The following BFSP2 variants were observed in gnomAD, a reference collection of about 807,000 sequenced individuals.
BFSP2 encodes phakinin.
A neutral mutation model predicts 44.9 loss-of-function variants in BFSP2; 38 were observed. The observed-to-expected ratio is 0.85, with a 90% CI of 0.65 to 1.11. The LOEUF (loss-of-function observed/expected upper bound fraction) is 1.11, where lower values mean the gene tolerates loss of function less well. Among genes scored for constraint, BFSP2 ranks in the 50% least tolerant of loss-of-function variants. The probability of loss-of-function intolerance (pLI) is 0.00; values close to 1 mark genes in which losing one functional copy is unlikely to be tolerated. For missense variants in BFSP2, 525 were observed against 533.0 expected, an observed-to-expected ratio of 0.99 and a Z score of 0.15; for synonymous variants, 197 against 209.9, an observed-to-expected ratio of 0.94 and a Z score of 0.53.
At chr3:133,401,433 C>T (rs1390181560) in intron 1 of BFSP2, among the ~76,000 whole-genome samples, 1 of 152,206 alleles carries the variant, frequency 6.6e-6, no homozygotes, top group East Asian at 1.9e-4. Flanking sequence ...TAAACAGCCA[C>T]AGGTAGCTAA....
intron 4 of BFSP2, among the ~76,000 whole-genome samples, chr3:133,451,052 A>C (rs1474292649): frequency 6.9e-6 from 1 of 144,034 alleles, no homozygotes; most frequent in Non-Finnish European, 1.5e-5. Flanking sequence ...CGGAGCTTGT[A>C]GTGAGCCAAG....
intron 6 of BFSP2, among the ~76,000 whole-genome samples, chr3:133,474,456 C>T (rs2074196378): frequency 6.6e-6 from 1 of 152,216 alleles, no homozygotes; most frequent in Non-Finnish European, 1.5e-5. Context: ...CCTAACCACG[C>T]CCTGCTTTCA....
intron 1 of BFSP2, among the ~76,000 whole-genome samples, chr3:133,415,769 T>C (rs1244703537): frequency 1.7e-5 from 2 of 119,216 alleles, no homozygotes; most frequent in Non-Finnish European, 1.7e-5. Context: ...ATCCCTGCCA[T>C]CTCCCCTCCA....
At chr3:133,417,764 C>G (rs552536715) in intron 1 of BFSP2, among the ~76,000 whole-genome samples, 1 of 139,054 alleles carries the variant, frequency 7.2e-6, no homozygotes, top group Non-Finnish European at 1.6e-5. Context: ...TCACCTCTGT[C>G]ACCTCTCCTC....
intron 1 of BFSP2, among the ~76,000 whole-genome samples, chr3:133,414,097 T>C (rs1576560085): frequency 1.9e-5 from 1 of 51,634 alleles, no homozygotes; most frequent in Non-Finnish European, 3.6e-5. Context: ...ACCCCTCTAC[T>C]CCCCCCATCC....
chr3:133,402,880 T>C (rs1309655866), intron 1 of BFSP2, among the ~76,000 whole-genome samples: 1 of 152,036 alleles, frequency 6.6e-6, no homozygotes, highest in African/African-American at 2.4e-5. Flanking sequence ...TGACCTCAGG[T>C]GATCCACCCG....
At chr3:133,447,443 A>G in intron 2 of BFSP2, 44 bp downstream of exon 2, 2 of 1,577,892 alleles carry the variant, frequency 1.3e-6, no homozygotes, top group Non-Finnish European at 1.7e-6. Flanking sequence ...ACATCCCTAG[A>G]CTCCTAGGCA....
At chr3:133,433,375 T>C (rs980854774) in intron 1 of BFSP2, among the ~76,000 whole-genome samples, 2 of 152,236 alleles carry the variant, frequency 1.3e-5, no homozygotes. Context: ...CTTTCCATTG[T>C]GGAAATCTAT....
intron 1 of BFSP2, among the ~76,000 whole-genome samples, chr3:133,405,367 A>AT (rs2073395580): frequency 6.6e-6 from 1 of 152,122 alleles, no homozygotes; most frequent in African/African-American, 2.4e-5. Flanking sequence ...TGATTTGACT[A>AT]TTTTTCCTGC....
intron 6 of BFSP2, among the ~76,000 whole-genome samples, 192 bp downstream of exon 6, chr3:133,472,757 C>G (rs1035906057): frequency 2.6e-5 from 4 of 152,054 alleles, no homozygotes; most frequent in African/African-American, 9.7e-5. Flanking sequence ...ATAATATATT[C>G]ACATACTAAT....
Position 133,400,243 on chromosome 3 carries a change from C to G in BFSP2, c.160C>G (p.Pro54Ala). 2 of 1,613,938 alleles carry G rather than the reference C, an allele frequency of 1.2e-6. No homozygotes were observed. The highest frequency in any genetic ancestry group is 1.7e-6 in the Non-Finnish European group (2 of 1,179,920). The change falls in exon 1 of 7, where the codon CCC becomes GCC. Residue 54 changes from proline to alanine, a missense_variant. Transcript: ENST00000302334. This position sits in a 1 kb window ranked among gnomAD's most constrained non-coding sequence, Gnocchi z 4.0. The part of the protein sequence containing the change: ...TNAMSGLVRA[P>A]GVYVGTAPSG... Reference sequence around the variant, plus strand: ...TGCCATGAGTGGCCTTGTCCGAGCACCCGGGGTCTATGTAGGAACAGCACC... The same window carrying G: ...TGCCATGAGTGGCCTTGTCCGAGCAGCCGGGGTCTATGTAGGAACAGCACC...
chr3:133,450,575 T>C (rs1426272693), intron 4 of BFSP2, 111 bp downstream of exon 4: 11 of 1,232,594 alleles, frequency 8.9e-6, no homozygotes, highest in Non-Finnish European at 9.4e-6. Flanking sequence ...TAGTAACAAG[T>C]TCAACCTCAT....
chr3:133,448,728 G>C, intron 3 of BFSP2, 83 bp downstream of exon 3: 1 of 1,530,480 alleles, frequency 6.5e-7, no homozygotes, highest in Non-Finnish European at 8.9e-7. Flanking sequence ...CAAGGCCACA[G>C]TAGCTCATTT....
At position 133,466,954 on chromosome 3, in the gene BFSP2, G is replaced by A. The variant is rs771315284; in HGVS notation, c.1018G>A (p.Ala340Thr). 3 of 1,613,912 alleles carry A rather than the reference G, an allele frequency of 1.9e-6. No homozygotes were observed. Among genetic ancestry groups the A allele is most frequent in the Non-Finnish European group, 1.7e-6 (2 of 1,179,952 alleles). The change falls in exon 5 of 7, where the codon GCC (alanine) becomes ACC (threonine). Residue 340 changes from alanine (A) to threonine (T), a missense_variant. Coordinates refer to ENST00000302334, the MANE Select transcript of BFSP2 (RefSeq NM_003571.4). ...CCAGGCTGAGACAGAATCCTTACGT[G>A]CCCTGGTAAGTGGGCCAAGGAAAGA... ...SLQAETESLR[A>T]LKRGLENTLH...
At chr3:133,451,110 C>CAAAAAA (rs55964213) in intron 4 of BFSP2, among the ~76,000 whole-genome samples, 1 of 95,054 alleles carries the variant, frequency 1.1e-5, no homozygotes, top group Non-Finnish European at 1.9e-5. Flanking sequence ...GACTCTGTCT[C>CAAAAAA]AAAAAAAAAA....
chr3:133,457,323 G>C (rs1395404417), intron 4 of BFSP2, among the ~76,000 whole-genome samples: 1 of 152,160 alleles, frequency 6.6e-6, no homozygotes, highest in Non-Finnish European at 1.5e-5. Context: ...CTTCACAAAA[G>C]GGCCCTGTTT....
intron 1 of BFSP2, among the ~76,000 whole-genome samples, chr3:133,401,538 C>T (rs769241745): frequency 8.5e-5 from 13 of 152,188 alleles, no homozygotes; most frequent in African/African-American, 2.9e-4. Context: ...GTGATTTCTG[C>T]GGAGTCTGGA....
chr3:133,458,443 C>T (rs1294814111), intron 4 of BFSP2, among the ~76,000 whole-genome samples: 2 of 152,218 alleles, frequency 1.3e-5, no homozygotes. Context: ...CCTGTAATCC[C>T]AGCACTTTGG....
chr3:133,451,315 TA>T (rs201455168), intron 4 of BFSP2, among the ~76,000 whole-genome samples: 11,583 of 152,118 alleles, frequency 0.076, 528 homozygotes, highest in Non-Finnish European at 0.094. Flanking sequence ...AATGTGTTCA[TA>T]ATATGAGGTA....
Sources: allele counts gnomAD v4.1 joint callset (sites outside exome capture counted in the v4.1 genomes callset), GRCh38; gene constraint gnomAD v4.1.1; non-coding constraint Gnocchi (gnomAD v3.1); transcripts MANE v1.5; gene names NCBI Gene and HGNC (gene_info 2026-07-23, HGNC 2026-07-21).